The following DLGAP2 variants were observed in gnomAD, a reference collection of about 807,000 sequenced individuals.
DLGAP2 encodes disks large-associated protein 2.
A neutral mutation model predicts 100.3 loss-of-function variants in DLGAP2; 26 were observed. The observed-to-expected ratio is 0.26, with a 90% CI of 0.19 to 0.36. The LOEUF is 0.36. Ranked by LOEUF, DLGAP2 falls within the 10% of genes least tolerant of loss-of-function variation. The probability of loss-of-function intolerance (pLI) is 1.00; values close to 1 mark genes in which losing one functional copy is unlikely to be tolerated. For synonymous variants in DLGAP2, 886 were observed against 630.1 expected (o/e 1.41, Z -6.08); for missense variants, 1,858 against 1,453.2 (o/e 1.28, Z -4.53).
At chr8:1,233,862 C>T (rs1187326510) in intron 2 of DLGAP2, among the ~76,000 whole-genome samples, 2 of 151,680 alleles carry the variant, frequency 1.3e-5, no homozygotes, top group African/African-American at 2.4e-5. Context: ...AACCACTGTC[C>T]TCTACACATG....
chr8:1,046,833 C>T lies in DLGAP2; in HGVS notation c.73+138867C>T, dbSNP rs554631842. Among the ~76,000 whole-genome samples the T allele has an allele frequency of 5.9e-5, 9 of 152,170 alleles. No individual in the cohort carries two copies. In the South Asian group the frequency reaches 1.7e-3, roughly 28 times the overall value. On this transcript the variant is annotated intron_variant, in intron 2 of 14. Transcript: ENST00000637795. Reference sequence around the variant, plus strand: ...CTGCTGAATTTGAATTTCACCACAACCCCCCTTTTTTTTTTCTGCCTAGCC... The same window carrying T: ...CTGCTGAATTTGAATTTCACCACAATCCCCCTTTTTTTTTTCTGCCTAGCC...
At chr8:778,654 G>A (rs1383401337) in intron 1 of DLGAP2, among the ~76,000 whole-genome samples, 2 of 152,198 alleles carry the variant, frequency 1.3e-5, no homozygotes, top group East Asian at 1.9e-4. Flanking sequence ...AGGCTGCTCA[G>A]GGGTCAGGGG....
At position 1,185,000 on chromosome 8, in the gene DLGAP2, G is replaced by T. The variant is rs1156254055; in HGVS notation, c.74-73851G>T. On this transcript the variant is annotated intron_variant, in intron 2 of 14. Coordinates refer to ENST00000637795, the MANE Select transcript of DLGAP2 (RefSeq NM_001346810.2). ...TCAGACTTTAGAGCAGGAGTGTGGG[G>T]AGCTGTTGAAGGGTCTGACCCGGGG... Among the ~76,000 whole-genome samples, 5 of 152,258 alleles carry T rather than the reference G, an allele frequency of 3.3e-5. No individual in the cohort carries two copies. The South Asian group carries it at 1.0e-3, about 32-fold the overall frequency.
chr8:1,663,799 G>A (rs532962479), intron 8 of DLGAP2, among the ~76,000 whole-genome samples: 2 of 152,176 alleles, frequency 1.3e-5, no homozygotes, highest in Admixed American at 1.3e-4. Context: ...AAGCGTTCCA[G>A]CATCACAGCG....
intron 1 of DLGAP2, among the ~76,000 whole-genome samples, chr8:791,493 C>T (rs1455553472): frequency 1.3e-5 from 2 of 152,218 alleles, no homozygotes; most frequent in African/African-American, 2.4e-5. Context: ...CCACTTGTAA[C>T]TGGATCTAAT....
At chr8:1,549,821 C>T (rs1288521172) in intron 5 of DLGAP2, 138 bp downstream of exon 5, 2 of 1,015,516 alleles carry the variant, frequency 2.0e-6, no homozygotes, top group African/African-American at 1.6e-5. Flanking sequence ...CGGATATGTT[C>T]TGGGACAGCT....
In DLGAP2 at chr8:1,208,606, T is replaced by G. The variant is rs144024585; in HGVS notation, c.74-50245T>G. 5.4e-3 allele frequency among the ~76,000 whole-genome samples: 567 copies of G among 104,200 alleles called. 2 individuals are homozygous for G. Among genetic ancestry groups the G allele is most frequent in the African/African-American group, 0.034 (541 of 15,832 alleles). The allele number at this position is 104,200 out of a possible 152,430, so 68.4% of individuals were successfully genotyped here. A position where few individuals can be genotyped will look rare whatever the true frequency, so the allele number is the denominator to read the frequency against. ...CCACTTTTACCACTTCTGTTCAACA[T>G]AGTACTAGAAGTCCTAGCCAGAGCA... On this transcript the variant is annotated intron_variant, in intron 2 of 14. Transcript: ENST00000637795.
At chr8:835,968 A>T (rs1796866216) in intron 1 of DLGAP2, among the ~76,000 whole-genome samples, 2 of 152,100 alleles carry the variant, frequency 1.3e-5, no homozygotes, top group Admixed American at 1.3e-4. Flanking sequence ...AGGTTTGGTC[A>T]TTTTTGGGTG....
At chr8:910,944 G>C (rs1351359170) in intron 2 of DLGAP2, among the ~76,000 whole-genome samples, 3 of 152,108 alleles carry the variant, frequency 2.0e-5, no homozygotes, top group African/African-American at 7.2e-5. Context: ...TGCTGGACTT[G>C]GGCTGTCGAG....
intron 4 of DLGAP2, among the ~76,000 whole-genome samples, chr8:1,535,986 C>G (rs944919033): frequency 6.6e-6 from 1 of 152,214 alleles, no homozygotes; most frequent in Admixed American, 6.5e-5. Context: ...CCGAGGCTCA[C>G]CTGAGAGTCT....
At chr8:1,623,113 A>G (rs919046690) in intron 6 of DLGAP2, among the ~76,000 whole-genome samples, 3 of 152,204 alleles carry the variant, frequency 2.0e-5, no homozygotes, top group African/African-American at 7.2e-5. Context: ...CTGAGGTTTT[A>G]TTTGTTATTT....
At chr8:1,187,288 G>A (rs966698931) in intron 2 of DLGAP2, among the ~76,000 whole-genome samples, 1 of 150,946 alleles carries the variant, frequency 6.6e-6, no homozygotes, top group Non-Finnish European at 1.5e-5. Context: ...TTGTCTCATG[G>A]AATCTCACAT....
At chr8:1,214,207 C>T (rs770711786) in intron 2 of DLGAP2, among the ~76,000 whole-genome samples, 1 of 152,202 alleles carries the variant, frequency 6.6e-6, no homozygotes, top group African/African-American at 2.4e-5. Flanking sequence ...TTTTATTCTT[C>T]AAGTCTCATT....
rs1353680731 is a variant in DLGAP2, at chr8:1,093,573, CCAGACAGAAACACCTTCACACTGA to C, written c.74-165256_74-165233del. 8.6e-5 allele frequency among the ~76,000 whole-genome samples: 13 copies of C among 151,604 alleles called. No homozygotes were observed. The East Asian group carries it at 1.4e-3, about 16-fold the overall frequency. ...GACAGAAACACCCTCACACCGACAGCCAGACAGAAACACCTTCACACTGACAGACAGAAACACCTTCACACCGAC... is the reference window on the plus strand; with the variant it reads ...GACAGAAACACCCTCACACCGACAGCCAGACAGAAACACCTTCACACCGAC... On this transcript the variant is annotated intron_variant, in intron 2 of 14. Coordinates refer to ENST00000637795, the MANE Select transcript of DLGAP2 (RefSeq NM_001346810.2).
chr8:1,603,619 C>T (rs1306608940), intron 6 of DLGAP2, among the ~76,000 whole-genome samples: 2 of 152,202 alleles, frequency 1.3e-5, no homozygotes, highest in Non-Finnish European at 2.9e-5. Context: ...GGTCTCAGTT[C>T]TGTAGAGGCT....
rs200002960 is a variant in DLGAP2, at chr8:952,979, TAC to T, written c.73+45015_73+45016del. 7.9e-3 allele frequency among the ~76,000 whole-genome samples: 1,203 copies of T among 152,342 alleles called. 20 individuals carry two copies. The highest frequency in any genetic ancestry group is 0.027 in the African/African-American group (1,113 of 41,570). On this transcript the variant is annotated intron_variant, in intron 2 of 14. Transcript: ENST00000637795. ...ATGCTTTGGAAGGTTCTTTTGCTCA[TAC>T]ATGAGATTATAGCATCATGCACTGG... is the stretch of plus-strand genomic sequence containing the variant.
intron 3 of DLGAP2, among the ~76,000 whole-genome samples, chr8:1,429,949 G>T (rs1797364352): frequency 1.6e-5 from 2 of 128,088 alleles, no homozygotes; most frequent in African/African-American, 2.8e-5. Flanking sequence ...TTTCAGATAT[G>T]CACCTGAAAA....
chr8:791,145 C>T (rs1822016380), intron 1 of DLGAP2, among the ~76,000 whole-genome samples: 1 of 152,168 alleles, frequency 6.6e-6, no homozygotes, highest in South Asian at 2.1e-4. Flanking sequence ...ATAATGCAAG[C>T]ACATTGCAGA....
intron 3 of DLGAP2, among the ~76,000 whole-genome samples, chr8:1,337,779 A>G: frequency 6.6e-6 from 1 of 152,216 alleles, no homozygotes; most frequent in East Asian, 1.9e-4. Flanking sequence ...GGTAGAAAAT[A>G]TCTGCAAATC....
Sources: allele counts gnomAD v4.1 joint callset (sites outside exome capture counted in the v4.1 genomes callset), GRCh38; gene constraint gnomAD v4.1.1; transcripts MANE v1.5; gene names NCBI Gene and HGNC (gene_info 2026-07-23, HGNC 2026-07-21).